The following DHCR7 variants were observed in gnomAD, a reference collection of about 807,000 sequenced individuals.
DHCR7 encodes the protein 7-dehydrocholesterol reductase, also known as 7-DHC reductase.
A neutral mutation model predicts 43.3 loss-of-function variants in DHCR7; 40 were observed. The ratio of observed to expected loss-of-function variants is 0.92; its 90% CI spans 0.72 to 1.20. The LOEUF is 1.20. Among genes scored for constraint, DHCR7 ranks in the 50% most tolerant of loss-of-function variants. The pLI, the probability that DHCR7 is intolerant of heterozygous loss-of-function variation, is 0.00. For synonymous variants in DHCR7, 298 were observed against 271.4 expected (o/e 1.10, Z -0.96); for missense variants, 608 against 644.6 (o/e 0.94, Z 0.62).
intron 8 of DHCR7, among the ~76,000 whole-genome samples, chr11:71,436,312 G>A (rs1315549964): frequency 6.6e-6 from 1 of 152,242 alleles, no homozygotes; most frequent in Non-Finnish European, 1.5e-5. Context: ...CATCCAATCA[G>A]TTGACAGCTT....
intron 5 of DHCR7, among the ~76,000 whole-genome samples, chr11:71,441,758 T>A (rs1949350661): frequency 6.6e-6 from 1 of 152,180 alleles, no homozygotes; most frequent in Non-Finnish European, 1.5e-5. Context: ...AGGATGCCCC[T>A]GTGGTATGCC....
chr11:71,431,368 G>A (rs557378990), downstream of DHCR7, among the ~76,000 whole-genome samples: 1 of 152,212 alleles, frequency 6.6e-6, no homozygotes, highest in Non-Finnish European at 1.5e-5. Context: ...TTGGAGGTGG[G>A]GCTTCACCGG....
exon 3 of DHCR7, chr11:71,428,520 T>C (rs988417996): frequency 1.1e-5 from 2 of 176,078 alleles, no homozygotes; most frequent in Middle Eastern, 2.6e-3. Flanking sequence ...TCCCGATCTT[T>C]TCACGGTTTT....
rs776099806 is a variant in DHCR7 at position 71,435,768 on chromosome 11, C to G, written c.1035G>C (p.Leu345=). 1.9e-6 allele frequency: 3 copies of G among 1,609,594 alleles called. No homozygotes were observed. The highest frequency in any genetic ancestry group is 2.2e-5 in the South Asian group (2 of 91,026). The change falls in exon 9 of 9, where the codon CTG becomes CTC. Residue 345 remains leucine, a synonymous_variant. Coordinates refer to ENST00000355527, the MANE Select transcript of DHCR7 (RefSeq NM_001360.3). ...CCACCCGGAAGATGTAGTAGCCCAC[C>G]AGGCCCAGCAGCAGGACGCCCACGG... The part of the protein sequence containing the change: ...PHAVGVLLLG[L]VGYYIFRVAN...
chr11:71,443,920 T>G, intron 4 of DHCR7, 73 bp downstream of exon 4: 2 of 1,250,704 alleles, frequency 1.6e-6, no homozygotes, highest in Non-Finnish European at 2.2e-6. Context: ...CCCAGACAAA[T>G]GGAAGGACTA....
At position 71,444,226 on chromosome 11, in the gene DHCR7, G is replaced by A. The variant is rs371964662; in HGVS notation, c.99-11C>T. The A allele has an allele frequency of 3.9e-5, 61 of 1,566,816 alleles. 1 individual carries two copies. The South Asian group carries it at 4.9e-4, about 13-fold the overall frequency. On this transcript the variant is annotated splice_polypyrimidine_tract_variant and intron_variant, in intron 3 of 8. Coordinates refer to ENST00000355527, the MANE Select transcript of DHCR7 (RefSeq NM_001360.3). ...AACCAGTCCACCTCCCTGCGAGGAC[G>A]GATGCAGGCAGTCACACTGGGGCCC... is the stretch of plus-strand genomic sequence containing the variant.
intron 3 of DHCR7, 80 bp from the exon 4 acceptor site, chr11:71,444,295 G>A (rs1269028215): frequency 2.4e-6 from 3 of 1,228,270 alleles, no homozygotes; most frequent in Non-Finnish European, 2.3e-6. Context: ...CTCTGTGTGG[G>A]AGAACTGTTG....
chr11:71,439,556 C>A (rs562896540), intron 6 of DHCR7, among the ~76,000 whole-genome samples: 1 of 152,292 alleles, frequency 6.6e-6, no homozygotes, highest in Non-Finnish European at 1.5e-5. Context: ...ATCACGCCAA[C>A]GTAGAGAATG....
chr11:71,445,013 T>G, intron 2 of DHCR7, 55 bp from the exon 3 acceptor site: 2 of 1,489,000 alleles, frequency 1.3e-6, no homozygotes, highest in Non-Finnish European at 1.9e-6. Context: ...ACACCACCTT[T>G]CCCTGTTGCA....
At chr11:71,445,540 G>T (rs537413445) in intron 2 of DHCR7, among the ~76,000 whole-genome samples, 26 of 152,142 alleles carry the variant, frequency 1.7e-4, no homozygotes, top group Non-Finnish European at 3.7e-4. Flanking sequence ...GTATTCATTT[G>T]TGTGTGTGTA....
intron 2 of DHCR7, among the ~76,000 whole-genome samples, chr11:71,445,251 C>G (rs1422994544): frequency 6.6e-6 from 1 of 152,262 alleles, no homozygotes; most frequent in Admixed American, 6.5e-5. Context: ...CAAGCTGGCT[C>G]CTGCCTCCCT....
At position 71,444,158 on chromosome 11, in the gene DHCR7, G is replaced by C. The variant is rs758757355; in HGVS notation, c.156C>G (p.Phe52Leu). The change falls in exon 4 of 9, where the codon TTC becomes TTG. Residue 52 changes from phenylalanine (F) to leucine (L), a missense_variant. Phe to Leu is a conservative substitution (Grantham distance 22). Transcript: ENST00000355527. ...SVIFLLLFAPFIVYYFIMACD... is the reference protein window; with the variant it reads ...SVIFLLLFAPLIVYYFIMACD... ...AAGCCATGATGAAGTAGTAGACGATGAAGGGGGCGAACAGCAGTAGGAAGA... is the reference window on the plus strand; with the variant it reads ...AAGCCATGATGAAGTAGTAGACGATCAAGGGGGCGAACAGCAGTAGGAAGA... The C allele has an allele frequency of 3.7e-6, 6 of 1,609,920 alleles. No homozygotes were observed. In the African/African-American group the frequency reaches 8.0e-5, roughly 21 times the overall value.
In DHCR7 at chr11:71,442,319, T is replaced by A. The variant is rs28938174; in HGVS notation, c.356A>T (p.His119Leu). 23 of 1,613,796 alleles carry A rather than the reference T, an allele frequency of 1.4e-5. No homozygotes were observed. The highest frequency in any genetic ancestry group is 1.9e-5 in the Non-Finnish European group (22 of 1,179,968). ...LLYTSLPDFC[H>L]KFLPGYVGGI... is the part of the protein sequence containing the mutation. ...TCCTACGTAGCCGGGTAGAAACTTA[T>A]GGCAGAAGTCAGGGAGAGACGTGTA... The change falls in exon 5 of 9, where the codon CAT (histidine) becomes CTT (leucine). Residue 119 changes from histidine (H) to leucine (L), a missense_variant. By Grantham distance (99) the His-to-Leu change is moderately conservative. Transcript: ENST00000355527.
intron 6 of DHCR7, among the ~76,000 whole-genome samples, chr11:71,439,443 G>C (rs978409494): frequency 1.3e-5 from 2 of 152,252 alleles, no homozygotes; most frequent in African/African-American, 4.8e-5. Flanking sequence ...CAGGTGAGCT[G>C]AAGAACTGGC....
downstream of DHCR7, among the ~76,000 whole-genome samples, chr11:71,430,078 TGAG>T (rs1949221046): frequency 6.6e-6 from 1 of 152,334 alleles, no homozygotes; most frequent in Middle Eastern, 3.4e-3. Context: ...ATCTGTGAGC[TGAG>T]GAGGCACTCA....
At chr11:71,430,952 C>T (rs12808549), downstream of DHCR7, among the ~76,000 whole-genome samples, 265 of 152,292 alleles carry the variant, frequency 1.7e-3, 1 homozygote, top group Admixed American at 2.7e-3. Context: ...GTTAGGAGTT[C>T]GAGACCAGCC....
At chr11:71,439,727 G>A (rs1051913805) in intron 6 of DHCR7, among the ~76,000 whole-genome samples, 4 of 152,180 alleles carry the variant, frequency 2.6e-5, no homozygotes, top group Non-Finnish European at 4.4e-5. Flanking sequence ...CAATTTCTGT[G>A]TTAACTAGAA....
Position 71,435,163 on chromosome 11 carries a change from TACGGCAGTGCTGGAC to T in DHCR7, c.*197_*211del, listed in dbSNP as rs1299572204. On this transcript the variant is annotated 3_prime_UTR_variant, in exon 9 of 9. Transcript: ENST00000355527. ...AGAGAAAATCCGTCTGTGCTGGCAA[TACGGCAGTGCTGGAC>T]ACTCGGAATTCCCTTGAAGGCAAAA... 2.9e-6 allele frequency: 2 copies of T among 700,534 alleles called. No homozygotes were observed. The highest frequency in any genetic ancestry group is 2.0e-5 in the Admixed American group (1 of 49,758). The allele number at this position is 700,534 out of a possible 1,614,324, so 43.4% of individuals were successfully genotyped here. A position where few individuals can be genotyped will look rare whatever the true frequency, so the allele number is the denominator to read the frequency against.
Position 71,435,292 on chromosome 11 carries a change from G to T in DHCR7, c.*83C>A. The T allele has an allele frequency of 6.9e-7, 1 of 1,445,622 alleles. No individual in the cohort carries two copies. The highest frequency in any genetic ancestry group is 9.6e-7 in the Non-Finnish European group (1 of 1,038,234). 89.5% of individuals were successfully genotyped at this position (1,445,622 alleles called of 1,614,324 possible). On this transcript the variant is annotated 3_prime_UTR_variant, in exon 9 of 9. Coordinates refer to ENST00000355527, the MANE Select transcript of DHCR7 (RefSeq NM_001360.3). Reference sequence around the variant, plus strand: ...AGATGAGGAAACTGAGGCTCCTCGAGTTGGAGCTGGGATGCCAGCCCCCAT... The same window carrying T: ...AGATGAGGAAACTGAGGCTCCTCGATTTGGAGCTGGGATGCCAGCCCCCAT...
Sources: allele counts gnomAD v4.1 joint callset (sites outside exome capture counted in the v4.1 genomes callset), GRCh38; gene constraint gnomAD v4.1.1; transcripts MANE v1.5; gene names NCBI Gene and HGNC (gene_info 2026-07-23, HGNC 2026-07-21).